CDHR3: variants seen among roughly 807,000 people sequenced by gnomAD.
CDHR3 encodes cadherin related family member 3, also known as cadherin-related family member 3.
A neutral mutation model predicts 86.6 loss-of-function variants in CDHR3; 79 were observed. The observed-to-expected ratio is 0.91, with a 90% confidence interval of 0.76 to 1.10. The LOEUF (loss-of-function observed/expected upper bound fraction) is 1.10, where lower values mean the gene tolerates loss of function less well. Among genes scored for constraint, CDHR3 ranks in the 50% least tolerant of loss-of-function variants. The pLI, the probability that CDHR3 is intolerant of heterozygous loss-of-function variation, is 0.00. For synonymous variants in CDHR3, 421 were observed against 402.4 expected (o/e 1.05, Z -0.55); for missense variants, 1,081 against 1,077.6 (o/e 1.00, Z -0.04).
chr7:105,992,426 T>C (rs999285733), intron 4 of CDHR3, among the ~76,000 whole-genome samples: 1 of 152,230 alleles, frequency 6.6e-6, no homozygotes. Context: ...ACTTCAGGCC[T>C]AGGCAATTGC....
intron 18 of CDHR3, among the ~76,000 whole-genome samples, 174 bp from the exon 19 acceptor site, chr7:106,032,218 AG>A (rs970789806): frequency 9.9e-5 from 15 of 152,186 alleles, no homozygotes; most frequent in African/African-American, 3.6e-4. Context: ...TGGCAAGGGC[AG>A]GCTGGTGGAG....
At chr7:106,011,753 T>A (rs1184519156) in intron 8 of CDHR3, among the ~76,000 whole-genome samples, 3 of 152,210 alleles carry the variant, frequency 2.0e-5, no homozygotes, top group African/African-American at 7.2e-5. Flanking sequence ...CTCAAGGTGT[T>A]CATTGGTCTT....
intron 12 of CDHR3, among the ~76,000 whole-genome samples, chr7:106,019,281 C>T (rs986085623): frequency 7.2e-5 from 11 of 152,142 alleles, no homozygotes; most frequent in African/African-American, 2.7e-4. Flanking sequence ...TAGTCCGCTT[C>T]CTCCGATAAC....
chr7:105,967,893 T>C (rs927433233), intron 1 of CDHR3, among the ~76,000 whole-genome samples: 1 of 152,212 alleles, frequency 6.6e-6, no homozygotes, highest in Non-Finnish European at 1.5e-5. Context: ...ATTTTTCTCC[T>C]ATTCTGTAGG....
chr7:105,996,233 G>A lies in CDHR3; in HGVS notation c.609-17G>A. The A allele has an allele frequency of 7.0e-7, 1 of 1,419,894 alleles. No homozygotes were observed. Among genetic ancestry groups the A allele is most frequent in the Non-Finnish European group, 9.9e-7 (1 of 1,007,928 alleles). The allele number at this position is 1,419,894 out of a possible 1,614,324, so 88.0% of individuals were successfully genotyped here. ...CAGCAAAGCTTGATTCTCTCACGTG[G>A]AATGTTTCCCTGGCAGTTTCCATCT... On this transcript the variant is annotated splice_polypyrimidine_tract_variant and intron_variant, in intron 5 of 18. Coordinates refer to ENST00000317716, the MANE Select transcript of CDHR3 (RefSeq NM_152750.5).
chr7:106,008,942 A>C (rs922365108), intron 8 of CDHR3, among the ~76,000 whole-genome samples: 1 of 152,106 alleles, frequency 6.6e-6, no homozygotes, highest in Non-Finnish European at 1.5e-5. Context: ...TCTTCAGTGC[A>C]TATCTGTTAA....
Position 106,017,894 on chromosome 7 carries a change from A to G in CDHR3, c.1475A>G (p.Gln492Arg), listed in dbSNP as rs1187404981. 2 of 1,606,096 alleles carry G rather than the reference A, an allele frequency of 1.2e-6. No individual in the cohort carries two copies. The highest frequency in any genetic ancestry group is 1.3e-5 in the African/African-American group (1 of 74,714). The change falls in exon 12 of 19, where the codon CAG (glutamine) becomes CGG (arginine). Residue 492 changes from glutamine (Q) to arginine (R), a missense_variant. Gln to Arg is a conservative substitution (Grantham distance 43). Coordinates refer to ENST00000317716, the MANE Select transcript of CDHR3 (RefSeq NM_152750.5). ...QVRATDKDLP[Q>R]SSLLYSISTG... ...CGAGCCACTGATAAAGACCTCCCCC[A>G]GAGCAGCCTCCTGTACTCCATCTCC...
At chr7:105,983,341 A>G (rs558177587) in intron 3 of CDHR3, among the ~76,000 whole-genome samples, 31 of 152,194 alleles carry the variant, frequency 2.0e-4, no homozygotes, top group Non-Finnish European at 4.3e-4. Context: ...TTTAATTTCG[A>G]TTCTATCATT....
At chr7:105,994,130 T>G (rs1030580185) in intron 4 of CDHR3, among the ~76,000 whole-genome samples, 1 of 152,244 alleles carries the variant, frequency 6.6e-6, no homozygotes, top group African/African-American at 2.4e-5. Flanking sequence ...TAACTGATGC[T>G]CATGCATTTT....
At chr7:105,981,229 G>C in intron 3 of CDHR3, 96 bp downstream of exon 3, 1 of 1,286,390 alleles carries the variant, frequency 7.8e-7, no homozygotes, top group South Asian at 1.5e-5. Context: ...TAAACAAGCA[G>C]CTGTTTCCCT....
At chr7:106,015,858 A>T in intron 10 of CDHR3, 69 bp from the exon 11 acceptor site, 1 of 1,146,880 alleles carries the variant, frequency 8.7e-7, no homozygotes, top group Non-Finnish European at 1.3e-6. Context: ...GAGATTCTTT[A>T]AAGATGTTGA....
chr7:105,963,489 C>T (rs1003690061), intron 1 of CDHR3, 125 bp downstream of exon 1: 6 of 996,862 alleles, frequency 6.0e-6, no homozygotes, highest in Middle Eastern at 2.1e-4. Context: ...GGCTTAGCTG[C>T]AGTAATGAAT....
rs1585880309 is a variant in CDHR3, at chr7:106,030,953, C to G, written c.2353+113C>G. Reference sequence around the variant, plus strand: ...TAGCTCATTTTGTCAATCCGTTTGGCTATGTTGCCTATATAGTGCTGACTC... The same window carrying G: ...TAGCTCATTTTGTCAATCCGTTTGGGTATGTTGCCTATATAGTGCTGACTC... On this transcript the variant is annotated intron_variant, in intron 18 of 18. Transcript: ENST00000317716. The surrounding 1 kb of genome is among the most constrained non-coding windows in gnomAD (Gnocchi z 4.8). 5.0e-6 allele frequency: 5 copies of G among 1,003,434 alleles called. No homozygotes were observed. Among genetic ancestry groups the G allele is most frequent in the Non-Finnish European group, 7.6e-6 (5 of 658,906 alleles). 62.2% of individuals were successfully genotyped at this position (1,003,434 alleles called of 1,614,324 possible). A position where few individuals can be genotyped will look rare whatever the true frequency, so the allele number is the denominator to read the frequency against.
At chr7:105,969,417 A>AAG (rs1257244807) in intron 1 of CDHR3, among the ~76,000 whole-genome samples, 1 of 151,820 alleles carries the variant, frequency 6.6e-6, no homozygotes, top group Admixed American at 6.6e-5. Context: ...AAAAAAAAAA[A>AAG]AAAGTGTTTC....
intron 8 of CDHR3, 58 bp downstream of exon 8, chr7:106,004,745 T>A (rs1179133725): frequency 6.6e-7 from 1 of 1,512,992 alleles, no homozygotes; most frequent in Non-Finnish European, 9.2e-7. Context: ...CCCTCTGCCC[T>A]TCTGCTTCTC....
intron 6 of CDHR3, among the ~76,000 whole-genome samples, chr7:105,996,805 C>G (rs117453176): frequency 1.3e-5 from 2 of 152,164 alleles, no homozygotes; most frequent in African/African-American, 4.8e-5. Flanking sequence ...ACTGGCTGCT[C>G]TAAAGTTTCT....
At chr7:106,024,714 T>C (rs75505057) in intron 15 of CDHR3, 152 bp downstream of exon 15, 38,347 of 762,780 alleles carry the variant, frequency 0.05, 1,223 homozygotes, top group Non-Finnish European at 0.062. Context: ...GGGGAAGGAA[T>C]CCCAGCTCCC....
chr7:106,013,783 T>A (rs1047974018), intron 9 of CDHR3, among the ~76,000 whole-genome samples: 4 of 152,148 alleles, frequency 2.6e-5, no homozygotes, highest in African/African-American at 9.7e-5. Flanking sequence ...AAAAATAATT[T>A]CTATTTTTTT....
At chr7:105,963,393 T>G (rs1273875117) in intron 1 of CDHR3, 29 bp downstream of exon 1, 1 of 1,611,256 alleles carries the variant, frequency 6.2e-7, no homozygotes, top group Admixed American at 1.7e-5. Flanking sequence ...TTTGGAACCT[T>G]GCTTGCCTAC....
Sources: allele counts gnomAD v4.1 joint callset (sites outside exome capture counted in the v4.1 genomes callset), GRCh38; gene constraint gnomAD v4.1.1; non-coding constraint Gnocchi (gnomAD v3.1); transcripts MANE v1.5; gene names NCBI Gene and HGNC (gene_info 2026-07-23, HGNC 2026-07-21).